Variants in MAGEB6B observed in about 807,000 individuals in gnomAD.
MAGEB6B encodes the protein melanoma-associated antigen B6B.
For missense variants in MAGEB6B, 277 were observed against 251.5 expected (o/e 1.10, Z -0.69); for synonymous variants, 107 against 102.3 (o/e 1.05, Z -0.27).
exon 1 of MAGEB6B, chrX:26,161,153 G>T: frequency 1.2e-6 from 1 of 814,176 alleles, no homozygotes; most frequent in Non-Finnish European, 1.9e-6. Flanking sequence ...CAAGAGAGCT[G>T]CGTTCTTTAC....
chrX:26,161,275 C>T (rs372525698), exon 1 of MAGEB6B: 2 of 655,676 alleles, frequency 3.1e-6, no homozygotes, highest in East Asian at 6.4e-5. Flanking sequence ...TGAAGCGTCT[C>T]CGCAGACAGT....
In MAGEB6B at chrX:26,161,645, A is replaced by C. The variant is rs775493198; in HGVS notation, c.1045A>C (p.Asn349His). The change falls in exon 1 of 1, where the codon AAC becomes CAC. Residue 349 changes from asparagine to histidine, a missense_variant. Transcript: ENST00000416929. The stretch of plus-strand genomic sequence containing the variant: ...GTACGTGGTTTACCGGCAGGTGTGC[A>C]ACAGTGATCCTCCATGCTATGAGTT... 1.7e-5 allele frequency: 21 copies of C among 1,209,900 alleles called. No individual in the cohort carries two copies. The African/African-American group carries it at 3.3e-4, about 19-fold the overall frequency.
chrX:26,161,451 A>G, exon 1 of MAGEB6B: 1 of 1,112,190 alleles, frequency 9.0e-7, no homozygotes, highest in African/African-American at 1.8e-5. Flanking sequence ...GCGCTGCCGA[A>G]GTCGGGTCTC....
chrX:26,162,335 T>G (rs1928702454), downstream of MAGEB6B, among the ~76,000 whole-genome samples: 1 of 112,109 alleles, frequency 8.9e-6, no homozygotes, highest in Non-Finnish European at 1.9e-5. Flanking sequence ...ATGTAAAAAT[T>G]GTTTAATTCT....
chrX:26,160,929 C>T (rs772391112), exon 1 of MAGEB6B: 10 of 612,423 alleles, frequency 1.6e-5, no homozygotes, highest in Non-Finnish European at 2.6e-5. Flanking sequence ...CAGGGAGCTT[C>T]ACCCATTGGC....
At chrX:26,161,788 A>C (rs1602229787) in exon 1 of MAGEB6B, 1 of 1,210,956 alleles carries the variant, frequency 8.3e-7, no homozygotes, top group South Asian at 1.8e-5. Context: ...ACGCTTTGAC[A>C]GATGAGGTAG....
chrX:26,162,394 A>G (rs1043895801), downstream of MAGEB6B, among the ~76,000 whole-genome samples: 11 of 111,777 alleles, frequency 9.8e-5, no homozygotes, highest in Non-Finnish European at 1.7e-4. Flanking sequence ...AATAAAGGAT[A>G]CCTGGATTTA....
In MAGEB6B at chrX:26,161,155, G is replaced by A. The variant is rs758374357; in HGVS notation, c.555G>A (p.Ala185=). The A allele has an allele frequency of 1.0e-5, 8 of 799,418 alleles. No homozygotes were observed. In the African/African-American group the frequency reaches 1.4e-4, roughly 14 times the overall value. The allele number at this position is 799,418 out of a possible 1,213,427, so 65.9% of individuals were successfully genotyped here. Residue 185 remains alanine, a synonymous_variant, in exon 1 of 1, where the codon GCG becomes GCA. Transcript: ENST00000416929. Reference sequence around the variant, plus strand: ...GTTTAAGCTCCTCCAAGAGAGCTGCGTTCTTTACAACCACAGACGGAGATC... The same window carrying A: ...GTTTAAGCTCCTCCAAGAGAGCTGCATTCTTTACAACCACAGACGGAGATC...
At chrX:26,161,856 C>A (rs759078839), downstream of MAGEB6B, 3 of 1,163,872 alleles carry the variant, frequency 2.6e-6, no homozygotes, top group Middle Eastern at 2.4e-4. Flanking sequence ...TTGGCCAGGG[C>A]ACCTTATGGG....
downstream of MAGEB6B, chrX:26,161,868 C>T: frequency 8.9e-7 from 1 of 1,126,792 alleles, no homozygotes; most frequent in Non-Finnish European, 1.2e-6. Flanking sequence ...CCTTATGGGG[C>T]CATATCCTAC....
At chrX:26,161,961 G>A, downstream of MAGEB6B, 3 of 542,618 alleles carry the variant, frequency 5.5e-6, no homozygotes, top group Admixed American at 9.8e-5. Context: ...AAGTAGTGCA[G>A]TATAGTAGAG....
exon 1 of MAGEB6B, chrX:26,161,615 G>C (rs1402162859): frequency 4.1e-6 from 5 of 1,209,430 alleles, no homozygotes; most frequent in Non-Finnish European, 5.6e-6. Context: ...TTTGGTGCAA[G>C]ATAAGTACGT....
chrX:26,162,029 A>G (rs1035008432), downstream of MAGEB6B, among the ~76,000 whole-genome samples: 3 of 112,527 alleles, frequency 2.7e-5, no homozygotes, highest in African/African-American at 9.7e-5. Flanking sequence ...TAACTTGTAG[A>G]TTTATGTTTT....
At chrX:26,160,643 C>G (rs752201353) in exon 1 of MAGEB6B, 2 of 569,698 alleles carry the variant, frequency 3.5e-6, no homozygotes, top group African/African-American at 2.2e-5. Context: ...CCGTGGGAAA[C>G]GCCGAGAGAC....
At chrX:26,160,630 T>C (rs751885539) in exon 1 of MAGEB6B, 8 of 569,441 alleles carry the variant, frequency 1.4e-5, no homozygotes, top group African/African-American at 2.2e-5. Context: ...GTAAGCTCCG[T>C]GCCCGTGGGA....
exon 1 of MAGEB6B, chrX:26,161,611 G>A (rs1456775721): frequency 7.4e-6 from 9 of 1,209,230 alleles, no homozygotes; most frequent in Non-Finnish European, 1.0e-5. Context: ...AAGATTTGGT[G>A]CAAGATAAGT....
exon 1 of MAGEB6B, chrX:26,161,166 C>G (rs752133499): frequency 1.3e-6 from 1 of 774,605 alleles, no homozygotes; most frequent in Non-Finnish European, 2.0e-6. Flanking sequence ...TTCTTTACAA[C>G]CACAGACGGA....
exon 1 of MAGEB6B, chrX:26,161,437 T>C (rs757931455): frequency 5.2e-5 from 54 of 1,040,081 alleles, no homozygotes; most frequent in Admixed American, 8.8e-5. Context: ...TGAGTGGTGA[T>C]AATGCGCTGC....
At chrX:26,161,354 T>A in exon 1 of MAGEB6B, 1 of 674,150 alleles carries the variant, frequency 1.5e-6, no homozygotes, top group Non-Finnish European at 2.5e-6. Flanking sequence ...TGGCGTTGAA[T>A]TGAAAGAAAC....
Sources: allele counts gnomAD v4.1 joint callset (sites outside exome capture counted in the v4.1 genomes callset), GRCh38; gene constraint gnomAD v4.1.1; transcripts MANE v1.5; gene names NCBI Gene and HGNC (gene_info 2026-07-23, HGNC 2026-07-21).